DLGAP1: variants seen among roughly 807,000 people sequenced by gnomAD.
DLGAP1 encodes the protein DLG associated protein 1.
Under a neutral mutation model 90.8 loss-of-function variants are expected in DLGAP1, and 11 were observed. That is an observed-to-expected ratio of 0.12 (90% CI 0.08 to 0.20). The LOEUF is 0.20. DLGAP1 is among the 10% of genes least tolerant of loss of function. DLGAP1 has a pLI of 1.00. For synonymous variants in DLGAP1, 558 were observed against 540.7 expected (o/e 1.03, Z -0.44); for missense variants, 1,050 against 1,333.8 (o/e 0.79, Z 3.31).
At chr18:3,500,781 T>C (rs2049889439) in intron 12 of DLGAP1, among the ~76,000 whole-genome samples, 1 of 152,208 alleles carries the variant, frequency 6.6e-6, no homozygotes, top group Non-Finnish European at 1.5e-5. Flanking sequence ...TATCAATTCT[T>C]AGCATCTCTT....
At chr18:3,676,689 C>T (rs1168095898) in intron 7 of DLGAP1, among the ~76,000 whole-genome samples, 2 of 101,110 alleles carry the variant, frequency 2.0e-5, no homozygotes, top group Non-Finnish European at 3.7e-5. Flanking sequence ...GGCTACTTCT[C>T]CTGTTTTTTT....
At chr18:3,751,979 G>A (rs142299879) in intron 5 of DLGAP1, among the ~76,000 whole-genome samples, 2 of 151,098 alleles carry the variant, frequency 1.3e-5, no homozygotes, top group East Asian at 3.9e-4. Context: ...TGCTGCCCAG[G>A]TTCAAGTGAT....
At chr18:3,773,731 A>G (rs1465248566) in intron 5 of DLGAP1, among the ~76,000 whole-genome samples, 3 of 152,206 alleles carry the variant, frequency 2.0e-5, no homozygotes, top group Non-Finnish European at 2.9e-5. Flanking sequence ...CTGATTTTCC[A>G]TGCCACATAT....
chr18:4,304,949 G>A (rs964165315), intron 1 of DLGAP1, among the ~76,000 whole-genome samples: 3 of 149,486 alleles, frequency 2.0e-5, no homozygotes, highest in Admixed American at 1.3e-4. Flanking sequence ...AAAAAAAGTT[G>A]TCATTGTGAA....
At chr18:3,685,299 T>C (rs147486192) in intron 7 of DLGAP1, among the ~76,000 whole-genome samples, 17,851 of 152,036 alleles carry the variant, frequency 0.12, 1,204 homozygotes, top group Non-Finnish European at 0.15. Context: ...TGGTGGCTCA[T>C]GCCTATAATC....
At chr18:3,870,605 C>CATCTATCATCT (rs1555697994) in intron 4 of DLGAP1, among the ~76,000 whole-genome samples, 23 of 148,228 alleles carry the variant, frequency 1.6e-4, no homozygotes, top group African/African-American at 3.8e-4. Context: ...TACATAAATA[C>CATCTATCATCT]ATCTATCTAT....
chr18:3,538,526 G>A (rs908507028), intron 9 of DLGAP1, among the ~76,000 whole-genome samples: 9 of 152,172 alleles, frequency 5.9e-5, no homozygotes, highest in African/African-American at 2.2e-4. Flanking sequence ...GCTGCAGTAG[G>A]CTATTTCTGC....
chr18:4,272,853 C>A (rs1055127830), intron 1 of DLGAP1, among the ~76,000 whole-genome samples: 1 of 152,064 alleles, frequency 6.6e-6, no homozygotes, highest in Non-Finnish European at 1.5e-5. Context: ...TCAGGGTGGC[C>A]CCTACATCCA....
chr18:3,542,586 C>A (rs1410172683), intron 9 of DLGAP1, among the ~76,000 whole-genome samples: 4 of 152,094 alleles, frequency 2.6e-5, no homozygotes. Flanking sequence ...AAAATAACAT[C>A]CTGGAATTCG....
intron 7 of DLGAP1, among the ~76,000 whole-genome samples, chr18:3,717,406 A>G (rs1479757830): frequency 6.6e-6 from 1 of 152,230 alleles, no homozygotes; most frequent in African/African-American, 2.4e-5. Flanking sequence ...AAGAAAGTGC[A>G]GAGAAAGAAC....
intron 3 of DLGAP1, among the ~76,000 whole-genome samples, chr18:3,974,400 T>C (rs1027155555): frequency 6.6e-6 from 1 of 152,232 alleles, no homozygotes; most frequent in African/African-American, 2.4e-5. Context: ...TGTGACTGTA[T>C]TAAGATCTTT....
intron 1 of DLGAP1, among the ~76,000 whole-genome samples, chr18:4,186,855 C>G (rs1280550342): frequency 1.3e-5 from 2 of 152,056 alleles, no homozygotes; most frequent in Non-Finnish European, 1.5e-5. Flanking sequence ...TTGCTTTGGT[C>G]AGTATGGCCA....
intron 1 of DLGAP1, among the ~76,000 whole-genome samples, chr18:4,399,823 A>G (rs756670713): frequency 2.0e-5 from 3 of 152,172 alleles, no homozygotes; most frequent in Non-Finnish European, 4.4e-5. Flanking sequence ...CTATTCTGTA[A>G]GTGCCCTGTA....
At chr18:3,865,446 G>A (rs1303127249) in intron 4 of DLGAP1, among the ~76,000 whole-genome samples, 2 of 152,008 alleles carry the variant, frequency 1.3e-5, no homozygotes, top group African/African-American at 4.8e-5. Context: ...ATCTCACTTT[G>A]CAAATCAACC....
intron 1 of DLGAP1, among the ~76,000 whole-genome samples, chr18:4,422,190 T>C (rs1220131035): frequency 6.6e-6 from 1 of 151,568 alleles, no homozygotes; most frequent in Non-Finnish European, 1.5e-5. Context: ...TTATAATATA[T>C]ATATAAACAA....
At chr18:4,003,315 C>T (rs759503797) in intron 3 of DLGAP1, among the ~76,000 whole-genome samples, 1 of 151,854 alleles carries the variant, frequency 6.6e-6, no homozygotes, top group Non-Finnish European at 1.5e-5. Context: ...TCCTCAGGCA[C>T]AGGACTGGGA....
At chr18:4,428,530 C>T (rs1312128713) in intron 1 of DLGAP1, among the ~76,000 whole-genome samples, 1 of 152,044 alleles carries the variant, frequency 6.6e-6, no homozygotes, top group African/African-American at 2.4e-5. Context: ...TGCAGCGAAC[C>T]GAGATCACAT....
At chr18:4,139,783 G>C (rs2076465868) in intron 2 of DLGAP1, among the ~76,000 whole-genome samples, 1 of 151,686 alleles carries the variant, frequency 6.6e-6, no homozygotes, top group African/African-American at 2.4e-5. Flanking sequence ...TTTATACATG[G>C]GTGCTCCAGT....
chr18:3,911,020 T>C lies in DLGAP1; in HGVS notation c.-72-30880A>G, dbSNP rs1363137346. Among the ~76,000 whole-genome samples the C allele has an allele frequency of 2.6e-5, 4 of 152,166 alleles. No individual in the cohort carries two copies. The East Asian group carries it at 7.7e-4, about 29-fold the overall frequency. On this transcript the variant is annotated intron_variant, in intron 3 of 12. Coordinates refer to ENST00000315677, the MANE Select transcript of DLGAP1 (RefSeq NM_004746.4). ...TGGAGGATAAGACATTTAAACACTC[T>C]AGAGTTTAATTTCTCCAGCTGCGAG... is the stretch of plus-strand genomic sequence containing the variant.
Sources: allele counts gnomAD v4.1 joint callset (sites outside exome capture counted in the v4.1 genomes callset), GRCh38; gene constraint gnomAD v4.1.1; transcripts MANE v1.5; gene names NCBI Gene and HGNC (gene_info 2026-07-23, HGNC 2026-07-21).